The following PHF20 variants were observed in gnomAD, a reference collection of about 807,000 sequenced individuals.
PHF20 encodes the protein PHD finger protein 20.
Under a neutral mutation model 113.5 loss-of-function variants are expected in PHF20, and 23 were observed. The ratio of observed to expected loss-of-function variants is 0.20; its 90% confidence interval spans 0.15 to 0.29. The LOEUF (loss-of-function observed/expected upper bound fraction) is 0.29, where lower values mean the gene tolerates loss of function less well. Ranked by LOEUF, PHF20 falls within the 10% of genes least tolerant of loss-of-function variation. The probability of loss-of-function intolerance (pLI) is 1.00; values close to 1 mark genes in which losing one functional copy is unlikely to be tolerated. For missense variants in PHF20, 943 were observed against 1,219.6 expected (o/e 0.77, Z 3.38); for synonymous variants, 434 against 457.3 (o/e 0.95, Z 0.65).
intron 2 of PHF20, among the ~76,000 whole-genome samples, chr20:35,807,583 CCT>C (rs2041907285): frequency 6.6e-6 from 1 of 151,962 alleles, no homozygotes; most frequent in Admixed American, 6.6e-5. Context: ...GAACTCCTGA[CCT>C]CAGGTGATCT....
At position 35,948,412 on chromosome 20, in the gene PHF20, G is replaced by A. The variant is rs913682511; in HGVS notation, c.*785G>A. The A allele has an allele frequency of 2.6e-5, 4 of 152,566 alleles. No individual in the cohort carries two copies. Among genetic ancestry groups the A allele is most frequent in the African/African-American group, 9.7e-5 (4 of 41,434 alleles). The allele number at this position is 152,566 out of a possible 1,614,324, so 9.5% of individuals were successfully genotyped here. On this transcript the variant is annotated 3_prime_UTR_variant, in exon 18 of 18. Coordinates refer to ENST00000374012, the MANE Select transcript of PHF20 (RefSeq NM_016436.5). ...ACTTCTTAATATTGACAGCTTCCCC[G>A]TTCTATTTAATGTCCAAAAATGTTT...
intron 3 of PHF20, among the ~76,000 whole-genome samples, chr20:35,844,889 T>TA (rs1198643901): frequency 6.6e-6 from 1 of 152,190 alleles, no homozygotes; most frequent in African/African-American, 2.4e-5. Context: ...ATTTGTGATA[T>TA]AAAAATCACC....
chr20:35,947,813 C>T lies in PHF20; in HGVS notation c.*186C>T. ...TTTGGCTGCGGGAGGACACTCTGAT[C>T]TCGAAGCCTGCCATAAAGGTAGCAA... On this transcript the variant is annotated 3_prime_UTR_variant, in exon 18 of 18. Transcript: ENST00000374012. 1.7e-6 allele frequency: 1 copy of T among 580,612 alleles called. No homozygotes were observed. The highest frequency in any genetic ancestry group is 3.0e-6 in the Non-Finnish European group (1 of 328,590). The allele number at this position is 580,612 out of a possible 1,614,324, so 36.0% of individuals were successfully genotyped here.
intron 15 of PHF20, among the ~76,000 whole-genome samples, chr20:35,935,480 C>T (rs187287614): frequency 1.3e-5 from 2 of 152,216 alleles, no homozygotes; most frequent in African/African-American, 4.8e-5. Flanking sequence ...GATTCTTATG[C>T]CTCAGCCTCC....
chr20:35,941,514 T>A (rs17093247), intron 17 of PHF20, among the ~76,000 whole-genome samples: 216 of 152,310 alleles, frequency 1.4e-3, no homozygotes, highest in African/African-American at 4.9e-3. Flanking sequence ...CCTGAGTCAT[T>A]TGTATAGCCC....
chr20:35,855,931 G>A (rs948071024), intron 4 of PHF20, among the ~76,000 whole-genome samples: 4 of 151,916 alleles, frequency 2.6e-5, no homozygotes, highest in South Asian at 2.1e-4. Context: ...CACCCGCCTC[G>A]GTCTCCCAAA....
At chr20:35,936,572 T>C (rs11697851) in intron 15 of PHF20, among the ~76,000 whole-genome samples, 14,837 of 152,246 alleles carry the variant, frequency 0.097, 777 homozygotes, top group Middle Eastern at 0.15. Context: ...GAATCCCTGT[T>C]CTTTTCTTTA....
intron 1 of PHF20, among the ~76,000 whole-genome samples, chr20:35,779,248 G>A (rs1268843629): frequency 1.3e-5 from 2 of 151,994 alleles, no homozygotes; most frequent in African/African-American, 4.8e-5. Context: ...TATTGGCCAG[G>A]CTGGTCTCGA....
intron 2 of PHF20, among the ~76,000 whole-genome samples, chr20:35,842,136 G>A (rs1037639079): frequency 6.6e-6 from 1 of 151,798 alleles, no homozygotes; most frequent in Non-Finnish European, 1.5e-5. Context: ...ACCTAAGGTC[G>A]GGAGTTCGAG....
chr20:35,816,802 TC>T (rs2042083432), intron 2 of PHF20, among the ~76,000 whole-genome samples: 2 of 150,808 alleles, frequency 1.3e-5, no homozygotes, highest in Admixed American at 6.7e-5. Context: ...TTTTTTTTCT[TC>T]TTCTTTGAGA....
chr20:35,883,924 T>TTAG (rs1391986990), intron 9 of PHF20, among the ~76,000 whole-genome samples: 1 of 152,124 alleles, frequency 6.6e-6, no homozygotes, highest in East Asian at 1.9e-4. Context: ...AGTAAGAGGC[T>TTAG]TAGTAGGGTG....
intron 4 of PHF20, among the ~76,000 whole-genome samples, chr20:35,848,964 C>T (rs551027932): frequency 2.0e-3 from 299 of 151,846 alleles, no homozygotes; most frequent in African/African-American, 6.8e-3. Context: ...TCATTTGCAA[C>T]GCTAATATCT....
At chr20:35,835,289 G>C (rs1029419469) in intron 2 of PHF20, among the ~76,000 whole-genome samples, 2 of 151,846 alleles carry the variant, frequency 1.3e-5, no homozygotes, top group African/African-American at 2.4e-5. Context: ...AAAAAGAAGA[G>C]GTAGGAAACT....
intron 17 of PHF20, among the ~76,000 whole-genome samples, chr20:35,943,514 A>C (rs1297733742): frequency 6.7e-6 from 1 of 148,314 alleles, no homozygotes; most frequent in African/African-American, 2.5e-5. Context: ...AAAAAAAAAA[A>C]GCCTAGTAAG....
intron 4 of PHF20, among the ~76,000 whole-genome samples, chr20:35,851,213 T>C (rs1459741690): frequency 1.3e-5 from 2 of 152,190 alleles, no homozygotes; most frequent in Non-Finnish European, 2.9e-5. Context: ...GTCCTTTCTG[T>C]TGATCTGTGG....
chr20:35,906,410 G>A (rs2055201234), intron 10 of PHF20, among the ~76,000 whole-genome samples: 1 of 152,160 alleles, frequency 6.6e-6, no homozygotes, highest in Non-Finnish European at 1.5e-5. Flanking sequence ...CTGTGCTCAG[G>A]CTCTGAAGGT....
At chr20:35,840,139 A>T (rs2042514539) in intron 2 of PHF20, among the ~76,000 whole-genome samples, 1 of 152,172 alleles carries the variant, frequency 6.6e-6, no homozygotes, top group South Asian at 2.1e-4. Context: ...AGTGGTACAA[A>T]CCAGGTTGCA....
chr20:35,897,917 C>A (rs1322108197), intron 9 of PHF20, among the ~76,000 whole-genome samples: 1 of 150,992 alleles, frequency 6.6e-6, no homozygotes, highest in Non-Finnish European at 1.5e-5. Context: ...GCTCTGTCAC[C>A]CAGGCTGTAG....
chr20:35,927,904 A>T (rs371380412), intron 14 of PHF20, 25 bp downstream of exon 14: 1 of 1,495,608 alleles, frequency 6.7e-7, no homozygotes, highest in African/African-American at 1.4e-5. Flanking sequence ...AGTCAGGGAT[A>T]TAACAGTATG....
Sources: allele counts gnomAD v4.1 joint callset (sites outside exome capture counted in the v4.1 genomes callset), GRCh38; gene constraint gnomAD v4.1.1; transcripts MANE v1.5; gene names NCBI Gene and HGNC (gene_info 2026-07-23, HGNC 2026-07-21).